Variants in TYW1B observed in about 807,000 individuals in gnomAD.
TYW1B encodes the protein tRNA-yW synthesizing protein 1 homolog B, also known as S-adenosyl-L-methionine-dependent tRNA 4-demethylwyosine synthase TYW1B.
TYW1B carries 73 observed loss-of-function variants against 86.9 expected under a neutral mutation model. The ratio of observed to expected loss-of-function variants is 0.84; its 90% CI spans 0.70 to 1.02. The LOEUF (loss-of-function observed/expected upper bound fraction) is 1.02, where lower values mean the gene tolerates loss of function less well. Among genes scored for constraint, TYW1B ranks in the 50% least tolerant of loss-of-function variants. The pLI is 0.00. For synonymous variants in TYW1B, 248 were observed against 292.8 expected (o/e 0.85, Z 1.56); for missense variants, 637 against 827.4 (o/e 0.77, Z 2.82).
intron 11 of TYW1B, among the ~76,000 whole-genome samples, chr7:72,689,585 G>T (rs1814090870): frequency 1.3e-5 from 2 of 152,104 alleles, no homozygotes; most frequent in African/African-American, 4.8e-5. Context: ...AACTGAGCAG[G>T]ATGAATGACT....
At chr7:72,586,963 A>G (rs1811292062) in intron 13 of TYW1B, among the ~76,000 whole-genome samples, 1 of 152,136 alleles carries the variant, frequency 6.6e-6, no homozygotes, top group African/African-American at 2.4e-5. Context: ...ACAAAAATAA[A>G]AAAGAACACT....
At chr7:72,584,652 C>T (rs1411188151) in intron 13 of TYW1B, among the ~76,000 whole-genome samples, 1 of 152,042 alleles carries the variant, frequency 6.6e-6, no homozygotes, top group Admixed American at 6.6e-5. Context: ...GATGGGGTTT[C>T]GCCACGTTGG....
intron 6 of TYW1B, among the ~76,000 whole-genome samples, chr7:72,799,860 T>C (rs1433439382): frequency 6.6e-6 from 1 of 152,178 alleles, no homozygotes; most frequent in African/African-American, 2.4e-5. Flanking sequence ...TTTTGCCTTT[T>C]GATTTTCCTT....
At chr7:72,614,337 T>A (rs150144689) in intron 13 of TYW1B, among the ~76,000 whole-genome samples, 1 of 152,222 alleles carries the variant, frequency 6.6e-6, no homozygotes, top group East Asian at 1.9e-4. Flanking sequence ...TTCTCATCCA[T>A]AAGACAGAGG....
At chr7:72,719,647 A>AC (rs1422334168) in intron 9 of TYW1B, among the ~76,000 whole-genome samples, 3 of 150,816 alleles carry the variant, frequency 2.0e-5, no homozygotes, top group Non-Finnish European at 3.0e-5. Context: ...AAAAAAAAAA[A>AC]AAAAAAGAAG....
chr7:72,647,783 C>G (rs1554442231), intron 11 of TYW1B, among the ~76,000 whole-genome samples: 1 of 152,044 alleles, frequency 6.6e-6, no homozygotes, highest in Non-Finnish European at 1.5e-5. Context: ...TTCCCAGGCT[C>G]AAACCATCCT....
intron 7 of TYW1B, among the ~76,000 whole-genome samples, chr7:72,751,065 T>A (rs1371248042): frequency 6.6e-6 from 1 of 151,160 alleles, no homozygotes; most frequent in Non-Finnish European, 1.5e-5. Context: ...TGAAACAGAG[T>A]CTAGCTCTGT....
chr7:72,667,031 C>CAAAA (rs60691255), intron 11 of TYW1B, among the ~76,000 whole-genome samples: 7 of 42,304 alleles, frequency 1.7e-4, no homozygotes, highest in East Asian at 8.8e-4. Context: ...GACTCCGTCT[C>CAAAA]AAAAAAAAAA....
chr7:72,672,279 C>A (rs1253257065), intron 11 of TYW1B, among the ~76,000 whole-genome samples: 5 of 151,854 alleles, frequency 3.3e-5, no homozygotes, highest in Non-Finnish European at 5.9e-5. Flanking sequence ...TTGTGAATTG[C>A]TCAGTCTCGG....
chr7:72,806,328 C>T (rs1410043129), intron 5 of TYW1B, among the ~76,000 whole-genome samples: 7 of 150,212 alleles, frequency 4.7e-5, no homozygotes, highest in East Asian at 2.0e-4. Flanking sequence ...CTCCACCTCC[C>T]GGGTTCAAGC....
intron 6 of TYW1B, among the ~76,000 whole-genome samples, chr7:72,796,566 TA>T (rs1554474496): frequency 6.6e-6 from 1 of 151,432 alleles, no homozygotes; most frequent in East Asian, 2.0e-4. Context: ...TGATGTAATA[TA>T]ATCTATTACG....
In TYW1B at chr7:72,791,350, A is replaced by G. The variant is rs376983791; in HGVS notation, c.846+11050T>C. Among the ~76,000 whole-genome samples the G allele has an allele frequency of 3.9e-5, 6 of 151,904 alleles. No homozygotes were observed. The East Asian group carries it at 1.2e-3, about 29-fold the overall frequency. ...CTCATTATAAGTTGCCACTGCCAACATGACACCAAAGTGTGTGAGTTGTCA... is the reference window on the plus strand; with the variant it reads ...CTCATTATAAGTTGCCACTGCCAACGTGACACCAAAGTGTGTGAGTTGTCA... On this transcript the variant is annotated intron_variant, in intron 6 of 13. Transcript: ENST00000620995.
chr7:72,801,574 T>C (rs1788404136), intron 6 of TYW1B, among the ~76,000 whole-genome samples: 2 of 152,064 alleles, frequency 1.3e-5, no homozygotes, highest in African/African-American at 4.8e-5. Context: ...GGACTACATA[T>C]AATTTTAATT....
intron 9 of TYW1B, among the ~76,000 whole-genome samples, chr7:72,719,082 C>A (rs2129570824): frequency 6.6e-6 from 1 of 152,186 alleles, no homozygotes; most frequent in Admixed American, 6.5e-5. Context: ...AGGCCCAGCA[C>A]ATACACATGC....
chr7:72,807,371 T>C lies in TYW1B; in HGVS notation c.433-15A>G, dbSNP rs781796554. ...TTTTTGCCAACCTGCGAGGAAAAGA[T>C]AGATAGGCTAAAAGCACGGTTCTCT... is the stretch of plus-strand genomic sequence containing the variant. On this transcript the variant is annotated splice_polypyrimidine_tract_variant and intron_variant, in intron 4 of 13. Coordinates refer to ENST00000620995, the MANE Select transcript of TYW1B (RefSeq NM_001145440.3). 2.8e-5 allele frequency: 45 copies of C among 1,608,718 alleles called. No individual in the cohort carries two copies. The highest frequency in any genetic ancestry group is 2.7e-4 in the East Asian group (12 of 44,784).
At chr7:72,798,743 T>TA in intron 6 of TYW1B, among the ~76,000 whole-genome samples, 1 of 152,334 alleles carries the variant, frequency 6.6e-6, no homozygotes. Flanking sequence ...CTGCAAGGTA[T>TA]GAGTGCCTGT....
At chr7:72,810,798 A>G (rs1371967972) in intron 3 of TYW1B, 133 bp from the exon 4 acceptor site, 15 of 1,281,300 alleles carry the variant, frequency 1.2e-5, no homozygotes, top group Non-Finnish European at 4.2e-6. Context: ...CATTTTCGAA[A>G]GTGAAGGGCC....
intron 11 of TYW1B, among the ~76,000 whole-genome samples, chr7:72,673,646 T>C (rs556597612): frequency 5.3e-5 from 8 of 152,114 alleles, no homozygotes; most frequent in Non-Finnish European, 4.4e-5. Flanking sequence ...GGTTAATGGG[T>C]ACAAAAAATA....
intron 9 of TYW1B, among the ~76,000 whole-genome samples, chr7:72,727,343 G>T (rs1787018689): frequency 6.6e-6 from 1 of 152,148 alleles, no homozygotes; most frequent in Non-Finnish European, 1.5e-5. Flanking sequence ...CGGAAAAGAA[G>T]AATACAGGAG....
Sources: gnomAD v4.1 joint callset for allele counts (sites outside exome capture counted in the v4.1 genomes callset) on GRCh38, gnomAD v4.1.1 for gene constraint, MANE v1.5 for transcripts, NCBI Gene and HGNC (gene_info 2026-07-23, HGNC 2026-07-21) for gene names.